TBC1D22A: variants seen among roughly 807,000 people sequenced by gnomAD.
TBC1D22A encodes putative GTPase activator.
Under a neutral mutation model 60.2 loss-of-function variants are expected in TBC1D22A, and 38 were observed. The observed-to-expected ratio is 0.63, with a 90% CI of 0.49 to 0.83. TBC1D22A has a LOEUF of 0.83. Among genes scored for constraint, TBC1D22A ranks in the 40% least tolerant of loss-of-function variants. TBC1D22A has a pLI of 0.00. For synonymous variants in TBC1D22A, 302 were observed against 281.7 expected (o/e 1.07, Z -0.72); for missense variants, 628 against 701.0 (o/e 0.90, Z 1.18).
At chr22:46,867,400 G>T (rs1390492023) in intron 4 of TBC1D22A, among the ~76,000 whole-genome samples, 2 of 152,218 alleles carry the variant, frequency 1.3e-5, no homozygotes, top group African/African-American at 4.8e-5. Context: ...GAAGGATTCT[G>T]TGTGTCAAAT....
chr22:47,106,138 A>G (rs1166650806), intron 11 of TBC1D22A, among the ~76,000 whole-genome samples: 26 of 152,218 alleles, frequency 1.7e-4, no homozygotes, highest in Admixed American at 1.5e-3. Context: ...TCCCAGAAAG[A>G]CAAAGAGATG....
intron 5 of TBC1D22A, among the ~76,000 whole-genome samples, chr22:46,879,116 GTTT>G (rs131870): frequency 1.5e-5 from 2 of 135,428 alleles, no homozygotes; most frequent in African/African-American, 2.7e-5. Context: ...GTTTGACCAA[GTTT>G]TTTTTTTTTT....
intron 12 of TBC1D22A, among the ~76,000 whole-genome samples, chr22:47,163,967 A>C (rs1310428676): frequency 6.6e-6 from 1 of 152,214 alleles, no homozygotes; most frequent in Non-Finnish European, 1.5e-5. Flanking sequence ...AGATGGCCGT[A>C]CTTCTTTCCA....
intron 1 of TBC1D22A, chr22:46,789,594 A>C (rs776782665): frequency 5.7e-6 from 1 of 174,276 alleles, no homozygotes; most frequent in South Asian, 9.6e-5. Context: ...AAATCTTAGA[A>C]TATAAAAGTG....
chr22:46,812,668 A>G (rs1002840951), intron 4 of TBC1D22A, among the ~76,000 whole-genome samples: 2 of 152,198 alleles, frequency 1.3e-5, no homozygotes, highest in African/African-American at 4.8e-5. Flanking sequence ...CAGAAGGCTC[A>G]CTGTGTTTAG....
intron 8 of TBC1D22A, among the ~76,000 whole-genome samples, chr22:46,937,381 C>T (rs1230213209): frequency 6.6e-6 from 1 of 152,168 alleles, no homozygotes; most frequent in East Asian, 1.9e-4. Context: ...ATTCCTCTCA[C>T]CTGGTGACAT....
At chr22:46,962,017 T>C (rs1286159164) in intron 8 of TBC1D22A, among the ~76,000 whole-genome samples, 3 of 152,222 alleles carry the variant, frequency 2.0e-5, no homozygotes, top group African/African-American at 7.2e-5. Context: ...TGGCAGGTGG[T>C]TGAACGTACA....
At chr22:47,006,243 C>T (rs912996296) in intron 10 of TBC1D22A, among the ~76,000 whole-genome samples, 3 of 152,168 alleles carry the variant, frequency 2.0e-5, no homozygotes, top group Admixed American at 6.5e-5. Flanking sequence ...CCAAGGACTT[C>T]GATTGAGCTA....
At chr22:47,073,404 G>A (rs901642139) in intron 11 of TBC1D22A, among the ~76,000 whole-genome samples, 2 of 152,194 alleles carry the variant, frequency 1.3e-5, no homozygotes, top group Admixed American at 6.5e-5. Context: ...ACACTGCAGA[G>A]GGAGACTGAA....
chr22:46,853,743 T>C (rs2087415318), intron 4 of TBC1D22A, among the ~76,000 whole-genome samples: 2 of 152,206 alleles, frequency 1.3e-5, no homozygotes, highest in South Asian at 4.1e-4. Flanking sequence ...AGAGGTTCAT[T>C]GTTCAACAGA....
At chr22:46,892,727 GC>G (rs1431411225) in intron 6 of TBC1D22A, among the ~76,000 whole-genome samples, 1 of 152,188 alleles carries the variant, frequency 6.6e-6, no homozygotes, top group Non-Finnish European at 1.5e-5. Flanking sequence ...GATGACACTA[GC>G]ATCTATCTGC....
chr22:47,136,909 C>T (rs1343080477), intron 12 of TBC1D22A, among the ~76,000 whole-genome samples: 1 of 152,172 alleles, frequency 6.6e-6, no homozygotes, highest in Non-Finnish European at 1.5e-5. Context: ...CCCGGTGTCC[C>T]ATCTCACGGT....
intron 11 of TBC1D22A, among the ~76,000 whole-genome samples, chr22:47,055,503 A>T (rs928812282): frequency 5.3e-5 from 8 of 152,214 alleles, no homozygotes; most frequent in African/African-American, 1.7e-4. Flanking sequence ...AGGGGTATGT[A>T]CATTTGTGAT....
chr22:46,841,842 C>CCA (rs960899026), intron 4 of TBC1D22A, among the ~76,000 whole-genome samples: 2 of 152,270 alleles, frequency 1.3e-5, no homozygotes, highest in South Asian at 2.1e-4. Context: ...AGTGTTCTTA[C>CCA]CACACACGCA....
chr22:47,136,043 T>C (rs532494269), intron 12 of TBC1D22A, among the ~76,000 whole-genome samples: 1 of 151,892 alleles, frequency 6.6e-6, no homozygotes, highest in Non-Finnish European at 1.5e-5. Context: ...GAGAGGGCAG[T>C]GGAAAAGGAA....
intron 11 of TBC1D22A, among the ~76,000 whole-genome samples, chr22:47,062,733 G>A (rs949573186): frequency 1.3e-5 from 2 of 152,158 alleles, no homozygotes; most frequent in Non-Finnish European, 2.9e-5. Flanking sequence ...CACAAACTGC[G>A]TATCTGTGAG....
chr22:47,170,213 A>T (rs2068378746), intron 12 of TBC1D22A, among the ~76,000 whole-genome samples: 1 of 152,146 alleles, frequency 6.6e-6, no homozygotes. Context: ...GGGCATTTCT[A>T]TTCTCCCTCC....
rs529448924 is a variant in TBC1D22A, at chr22:47,112,168, G to A, written c.1425+565G>A. 4.6e-5 allele frequency among the ~76,000 whole-genome samples: 7 copies of A among 152,360 alleles called. No individual in the cohort carries two copies. The East Asian group carries it at 9.6e-4, about 21-fold the overall frequency. On this transcript the variant is annotated intron_variant, in intron 12 of 12. Transcript: ENST00000337137. ...GACCTGTGGGACTCCCTGTGGACTAGTGTCCAGCCCCTGACCCACCCCACG... is the reference window on the plus strand; with the variant it reads ...GACCTGTGGGACTCCCTGTGGACTAATGTCCAGCCCCTGACCCACCCCACG...
At chr22:47,135,730 A>G (rs2066841488) in intron 12 of TBC1D22A, among the ~76,000 whole-genome samples, 1 of 152,236 alleles carries the variant, frequency 6.6e-6, no homozygotes, top group Non-Finnish European at 1.5e-5. Context: ...TTGTTGAAGG[A>G]ATGAAAGTCG....
Sources: gnomAD v4.1 joint callset for allele counts (sites outside exome capture counted in the v4.1 genomes callset) on GRCh38, gnomAD v4.1.1 for gene constraint, MANE v1.5 for transcripts, NCBI Gene and HGNC (gene_info 2026-07-23, HGNC 2026-07-21) for gene names.